Variants in RNF213 observed in about 807,000 individuals in gnomAD.
RNF213 encodes E3 ubiquitin-protein ligase RNF213.
A neutral mutation model predicts 514.4 loss-of-function variants in RNF213; 341 were observed. The observed-to-expected ratio is 0.66, with a 90% confidence interval of 0.61 to 0.73. The LOEUF (loss-of-function observed/expected upper bound fraction) is 0.73. Among genes scored for constraint, RNF213 ranks in the 30% least tolerant of loss-of-function variants. The probability of loss-of-function intolerance (pLI) is 0.00; values close to 1 mark genes in which losing one functional copy is unlikely to be tolerated. For missense variants in RNF213, 5,767 were observed against 6,615.6 expected (o/e 0.87, Z 4.45); for synonymous variants, 2,655 against 2,658.2 (o/e 1.00, Z 0.04).
chr17:80,379,599 A>C (rs1270173956), intron 54 of RNF213, 21 bp from the exon 55 acceptor site: 1 of 1,609,276 alleles, frequency 6.2e-7, no homozygotes, highest in Admixed American at 1.7e-5. Flanking sequence ...AAGTGGTTCT[A>C]GTGCCCTGTC....
intron 38 of RNF213, 92 bp from the exon 39 acceptor site, chr17:80,361,642 C>G: frequency 7.0e-7 from 1 of 1,434,464 alleles, no homozygotes; most frequent in Non-Finnish European, 9.8e-7. Context: ...AACAAGGCGT[C>G]CCCATTCCCC....
rs1464634529 is a variant in RNF213 at position 80,288,107 on chromosome 17, C to T, written c.554C>T (p.Ala185Val). Residue 185 changes from alanine (A) to valine (V), a missense_variant, in exon 4 of 68, where the codon GCC (alanine) becomes GTC (valine). Transcript: ENST00000582970. This position sits in a 1 kb window ranked among gnomAD's most constrained non-coding sequence, Gnocchi z 4.9. The stretch of plus-strand genomic sequence containing the variant: ...CAGGCTTTGGGAGAGGCAGGAGTGG[C>T]CACAGGAAGTGAGGCTCAGAGCAGC... ...QAQALGEAGV[A>V]TGSEAQSSPQ... 4.4e-6 allele frequency: 7 copies of T among 1,607,616 alleles called. No homozygotes were observed. In the South Asian group the frequency reaches 7.7e-5, roughly 18 times the overall value.
intron 3 of RNF213, among the ~76,000 whole-genome samples, chr17:80,285,041 T>TA (rs2044423574): frequency 1.3e-5 from 2 of 152,084 alleles, no homozygotes; most frequent in Admixed American, 1.3e-4. Flanking sequence ...AAGGGACCAT[T>TA]CCCCAGGATG....
rs748611334 is a variant in RNF213, at chr17:80,295,606, C to T, written c.1805C>T (p.Pro602Leu). The change falls in exon 10 of 68, where the codon CCG becomes CTG. Residue 602 changes from proline to leucine, a missense_variant. This residue lies in a region of RNF213 where 592 missense variants were observed against 673.9 expected (regional missense o/e 0.88). Coordinates refer to ENST00000582970, the MANE Select transcript of RNF213 (RefSeq NM_001256071.3). The stretch of plus-strand genomic sequence containing the variant: ...CTGAAAAAACACGTGGTACCATTGC[C>T]GGACGGAAAAAGCACGGACTTTTTG... ...QHLKKHVVPL[P>L]DGKSTDFLPV... is the part of the protein sequence containing the mutation. 1.3e-5 allele frequency: 21 copies of T among 1,613,984 alleles called. No individual in the cohort carries two copies. The highest frequency in any genetic ancestry group is 2.2e-5 in the East Asian group (1 of 44,896).
In RNF213 at chr17:80,307,193, C is replaced by T; in HGVS notation, c.2493C>T (p.Tyr831=). The T allele has an allele frequency of 6.2e-7, 1 of 1,613,790 alleles. No individual in the cohort carries two copies. The highest frequency in any genetic ancestry group is 1.1e-5 in the South Asian group (1 of 91,070). ...LEMLLRLLDT[Y]RDKIPEEALS... Reference sequence around the variant, plus strand: ...TGCTGTTGCGACTCCTGGACACTTACCGGGACAAGTAAGTGGAAAGCACGA... The same window carrying T: ...TGCTGTTGCGACTCCTGGACACTTATCGGGACAAGTAAGTGGAAAGCACGA... The change falls in exon 13 of 68, where the codon TAC becomes TAT. Residue 831 remains tyrosine (Y), a synonymous_variant. Transcript: ENST00000582970.
intron 25 of RNF213, among the ~76,000 whole-genome samples, chr17:80,338,961 A>ATT (rs1568091648): frequency 5.3e-5 from 8 of 151,234 alleles, no homozygotes; most frequent in South Asian, 2.1e-4. Flanking sequence ...AAAAAATTAA[A>ATT]AAAAAAAAAA....
rs766429880 is a variant in RNF213 at position 80,388,644 on chromosome 17, G to C, written c.14955G>C (p.Trp4985Cys). 2 of 1,613,078 alleles carry C rather than the reference G, an allele frequency of 1.2e-6. No homozygotes were observed. The highest frequency in any genetic ancestry group is 1.7e-6 in the Non-Finnish European group (2 of 1,179,504). Reference protein sequence around the residue: ...GIPTLVYRHDWNYEHLFMDIK... With the variant: ...GIPTLVYRHDCNYEHLFMDIK... ...CCACTCTGGTGTACAGACACGACTG[G>C]AACTATGAACATCTCTTTATGGACA... The change falls in exon 64 of 68, where the codon TGG (tryptophan) becomes TGC (cysteine). Residue 4985 changes from tryptophan to cysteine, a missense_variant. Transcript: ENST00000582970.
intron 57 of RNF213, 94 bp downstream of exon 57, chr17:80,381,821 G>C: frequency 8.6e-7 from 1 of 1,156,210 alleles, no homozygotes; most frequent in East Asian, 2.5e-5. Context: ...CACACAGCCA[G>C]TCTGAGCTCT....
rs1305661178 is a variant in RNF213 at position 80,339,616 on chromosome 17, G to A, written c.5249G>A (p.Ser1750Asn). 3.3e-6 allele frequency: 5 copies of A among 1,537,242 alleles called. No homozygotes were observed. Among genetic ancestry groups the A allele is most frequent in the Non-Finnish European group, 4.4e-6 (5 of 1,146,910 alleles). The change falls in exon 26 of 68, where the codon AGT (serine) becomes AAT (asparagine). Residue 1750 changes from serine to asparagine, a missense_variant. Ser to Asn is a conservative substitution (Grantham distance 46). Around this residue, in one of 13 missense-constraint regions of RNF213, gnomAD observed 1,377 missense variants for 1,635.2 expected, o/e 0.84. Transcript: ENST00000582970. The stretch of plus-strand genomic sequence containing the variant: ...TTAAGGGCCTCTGTGGGGTGTGGGA[G>A]TGAGGCCGCCAGGTACCGCATGAGG... ...DVLRASVGCGSEAARYRMRRV... is the reference protein window; with the variant it reads ...DVLRASVGCGNEAARYRMRRV...
intron 13 of RNF213, among the ~76,000 whole-genome samples, chr17:80,307,794 C>G (rs1184646740): frequency 1.3e-5 from 2 of 151,836 alleles, no homozygotes; most frequent in Non-Finnish European, 2.9e-5. Flanking sequence ...AGGTGATCCG[C>G]CTGTCTGGGC....
intron 2 of RNF213, among the ~76,000 whole-genome samples, chr17:80,268,240 C>T (rs2043674625): frequency 6.6e-6 from 1 of 150,648 alleles, no homozygotes; most frequent in African/African-American, 2.4e-5. Context: ...AATCGTGCTA[C>T]AGTGAGCATG....
Position 80,287,850 on chromosome 17 carries a change from G to T in RNF213, c.297G>T (p.Gly99=). 1 of 1,608,054 alleles carries T rather than the reference G, an allele frequency of 6.2e-7. No individual in the cohort carries two copies. Among genetic ancestry groups the T allele is most frequent in the Admixed American group, 1.7e-5 (1 of 59,568 alleles). ...KKKKRKKKKK[G]NKSASSELAS... ...AGAAAAGGAAGAAGAAAAAGAAGGG[G>T]AACAAGTCCGCTTCCTCAGAGCTGG... The change falls in exon 4 of 68, where the codon GGG becomes GGT. Residue 99 remains glycine, a synonymous_variant. Coordinates refer to ENST00000582970, the MANE Select transcript of RNF213 (RefSeq NM_001256071.3).
At position 80,347,587 on chromosome 17, in the gene RNF213, C is replaced by T. The variant is rs1239083666; in HGVS notation, c.9252C>T (p.Cys3084=). 10 of 1,614,030 alleles carry T rather than the reference C, an allele frequency of 6.2e-6. No homozygotes were observed. Among genetic ancestry groups the T allele is most frequent in the Non-Finnish European group, 8.5e-6 (10 of 1,180,048 alleles). The change falls in exon 29 of 68, where the codon TGC becomes TGT. Residue 3084 remains cysteine (C), a synonymous_variant. Transcript: ENST00000582970. The surrounding 1 kb of genome is among the most constrained non-coding windows in gnomAD (Gnocchi z 7.2). The part of the protein sequence containing the change: ...FPKDQEYTQL[C]RNINRVKICM... ...AGGACCAAGAGTACACCCAGCTCTG[C>T]AGAAACATCAATCGTGTGAAGATCT... is the stretch of plus-strand genomic sequence containing the variant.
intron 2 of RNF213, among the ~76,000 whole-genome samples, chr17:80,267,848 C>G (rs2043661575): frequency 1.4e-5 from 2 of 147,188 alleles, no homozygotes; most frequent in South Asian, 4.2e-4. Flanking sequence ...GAGACAGGGT[C>G]TTGGTCTGTC....
At chr17:80,278,562 T>C (rs561542144) in intron 3 of RNF213, among the ~76,000 whole-genome samples, 2 of 152,262 alleles carry the variant, frequency 1.3e-5, no homozygotes, top group East Asian at 3.9e-4. Context: ...CAGGAGCTGC[T>C]TCTTCGTCTT....
In RNF213 at chr17:80,348,105, TC is replaced by T; in HGVS notation, c.9772del (p.Leu3258CysfsTer2). ...AAGGTGTCTGAGGAGGCCAAATCGA[TC>T]CTGCTGAACTGCGCTACGCCCGATG... The part of the protein sequence containing the change: ...HQKVSEEAKS[I>X]LLNCATPDAV... On this transcript the variant is annotated frameshift_variant, in exon 29 of 68. Coordinates refer to ENST00000582970, the MANE Select transcript of RNF213 (RefSeq NM_001256071.3). LOFTEE classifies it high-confidence loss of function. 6.2e-7 allele frequency: 1 copy of T among 1,614,136 alleles called. No homozygotes were observed. The highest frequency in any genetic ancestry group is 1.3e-5 in the African/African-American group (1 of 75,076).
chr17:80,359,929 C>T (rs975902654), intron 37 of RNF213, 132 bp from the exon 38 acceptor site: 15 of 824,664 alleles, frequency 1.8e-5, no homozygotes, highest in African/African-American at 6.7e-5. Context: ...AACAGATCAG[C>T]GCCGTCTGCC....
At position 80,317,305 on chromosome 17, in the gene RNF213, C is replaced by T. The variant is rs1406256890; in HGVS notation, c.2901+28C>T. On this transcript the variant is annotated intron_variant, in intron 16 of 67. Coordinates refer to ENST00000582970, the MANE Select transcript of RNF213 (RefSeq NM_001256071.3). This position sits in a 1 kb window ranked among gnomAD's most constrained non-coding sequence, Gnocchi z 4.1. ...ACCAAAAGTTTGGGGGCAGTCTTTT[C>T]AGGGCGTGAAGGCAAGCTGGAGAAC... 3 of 1,603,332 alleles carry T rather than the reference C, an allele frequency of 1.9e-6. No homozygotes were observed. The highest frequency in any genetic ancestry group is 8.5e-7 in the Non-Finnish European group (1 of 1,174,800).
At chr17:80,271,618 CAG>C (rs1053833008) in intron 2 of RNF213, among the ~76,000 whole-genome samples, 4 of 152,202 alleles carry the variant, frequency 2.6e-5, no homozygotes, top group African/African-American at 7.2e-5. Flanking sequence ...GGATTGAAAA[CAG>C]GGACTCCTTG....
Sources: gnomAD v4.1 joint callset for allele counts (sites outside exome capture counted in the v4.1 genomes callset) on GRCh38, gnomAD v4.1.1 for gene constraint, gnomAD v4.1.1 regional missense constraint, Gnocchi (gnomAD v3.1) non-coding constraint, MANE v1.5 for transcripts, NCBI Gene and HGNC (gene_info 2026-07-23, HGNC 2026-07-21) for gene names.